Variants in THSD4 observed in about 807,000 individuals in gnomAD.
The protein encoded by THSD4 is thrombospondin type-1 domain-containing protein 4.
A neutral mutation model predicts 119.0 loss-of-function variants in THSD4; 69 were observed. The observed-to-expected ratio is 0.58, with a 90% CI of 0.48 to 0.71. The LOEUF is 0.71. THSD4 is among the 30% of genes least tolerant of loss of function. The pLI is 0.00. For synonymous variants in THSD4, 524 were observed against 540.4 expected (o/e 0.97, Z 0.42); for missense variants, 1,393 against 1,391.1 (o/e 1.00, Z -0.02).
intron 7 of THSD4, among the ~76,000 whole-genome samples, chr15:71,435,005 CAGTT>C (rs960151869): frequency 7.2e-5 from 11 of 152,180 alleles, no homozygotes; most frequent in South Asian, 2.1e-4. Context: ...CCCGCTAAGA[CAGTT>C]AGAAGAAAAA....
At chr15:71,120,553 C>T (rs868737323) in intron 1 of THSD4, among the ~76,000 whole-genome samples, 1 of 152,244 alleles carries the variant, frequency 6.6e-6, no homozygotes. Flanking sequence ...ACCCCACAAC[C>T]GGGTGGGCAG....
At chr15:71,425,998 A>C (rs992088228) in intron 7 of THSD4, among the ~76,000 whole-genome samples, 16 of 152,310 alleles carry the variant, frequency 1.1e-4, no homozygotes, top group African/African-American at 3.8e-4. Flanking sequence ...AGCTGATGGC[A>C]GAGGAACCTA....
chr15:71,191,992 T>C (rs955762658), intron 3 of THSD4, among the ~76,000 whole-genome samples: 8 of 149,982 alleles, frequency 5.3e-5, no homozygotes, highest in Admixed American at 2.7e-4. Flanking sequence ...AACCTCCGCC[T>C]CCCAGGTTGA....
intron 6 of THSD4, among the ~76,000 whole-genome samples, chr15:71,355,886 G>A (rs1025863780): frequency 6.6e-6 from 1 of 151,826 alleles, no homozygotes; most frequent in African/African-American, 2.4e-5. Flanking sequence ...TTTTATTTTT[G>A]AGATGGAGTC....
At chr15:71,180,444 A>G (rs1008604656) in intron 3 of THSD4, among the ~76,000 whole-genome samples, 6 of 152,220 alleles carry the variant, frequency 3.9e-5, no homozygotes, top group African/African-American at 1.4e-4. Flanking sequence ...GAAGGTTACC[A>G]ACGGCTACAA....
intron 7 of THSD4, among the ~76,000 whole-genome samples, chr15:71,450,406 G>T (rs761699660): frequency 3.3e-5 from 5 of 152,130 alleles, no homozygotes; most frequent in Non-Finnish European, 5.9e-5. Context: ...GGTTGGGGGA[G>T]AGTAGAACAG....
chr15:71,326,060 C>T (rs2045332870), intron 6 of THSD4, among the ~76,000 whole-genome samples: 1 of 152,162 alleles, frequency 6.6e-6, no homozygotes, highest in Non-Finnish European at 1.5e-5. Flanking sequence ...TATAACTATT[C>T]TGCAAAGCTG....
chr15:71,594,415 G>T (rs1027085593), intron 7 of THSD4, among the ~76,000 whole-genome samples: 1 of 152,032 alleles, frequency 6.6e-6, no homozygotes, highest in Admixed American at 6.6e-5. Context: ...CACCATGTTG[G>T]CTGGGCTGTT....
chr15:71,373,290 A>G (rs2046083491), intron 6 of THSD4, among the ~76,000 whole-genome samples: 1 of 152,180 alleles, frequency 6.6e-6, no homozygotes, highest in South Asian at 2.1e-4. Context: ...CTGAACTTTT[A>G]AAATGTAGTG....
chr15:71,298,767 C>G (rs1047541469), intron 6 of THSD4, among the ~76,000 whole-genome samples: 1 of 152,162 alleles, frequency 6.6e-6, no homozygotes, highest in Non-Finnish European at 1.5e-5. Flanking sequence ...CACACGCCGC[C>G]ACACCCGGCT....
At chr15:71,668,852 G>A (rs558298557) in intron 8 of THSD4, among the ~76,000 whole-genome samples, 188 of 152,310 alleles carry the variant, frequency 1.2e-3, no homozygotes, top group African/African-American at 4.3e-3. Context: ...TAAGCCTATA[G>A]CATGAAAGAT....
intron 6 of THSD4, among the ~76,000 whole-genome samples, chr15:71,354,362 G>A (rs1406177332): frequency 6.6e-6 from 1 of 152,152 alleles, no homozygotes; most frequent in Admixed American, 6.5e-5. Flanking sequence ...AAAACCAGAA[G>A]GGAAAAGTGT....
rs117316862 is a variant in THSD4, at chr15:71,384,626, A to C, written c.1016-27061A>C. Among the ~76,000 whole-genome samples the C allele has an allele frequency of 2.5e-4, 38 of 152,298 alleles. No individual in the cohort carries two copies. The East Asian group carries it at 6.4e-3, about 26-fold the overall frequency. ...AAATAGTCTTTTAAAAGAGGCAATA[A>C]AATTTTTGAAACCTTCTTAGAAGCA... On this transcript the variant is annotated intron_variant, in intron 6 of 17. Transcript: ENST00000261862.
chr15:71,722,099 G>C (rs1448112414), intron 8 of THSD4, among the ~76,000 whole-genome samples: 1 of 152,148 alleles, frequency 6.6e-6, no homozygotes, highest in Admixed American at 6.6e-5. Flanking sequence ...TGAACACAGC[G>C]TCTAGCAAAA....
At chr15:71,343,998 T>TG (rs1253529417) in intron 6 of THSD4, among the ~76,000 whole-genome samples, 1 of 148,476 alleles carries the variant, frequency 6.7e-6, no homozygotes, top group Non-Finnish European at 1.5e-5. Flanking sequence ...GGGGTGGGGG[T>TG]GGGGGTTACA....
chr15:71,215,800 A>C (rs1232569994), intron 4 of THSD4, among the ~76,000 whole-genome samples: 1 of 152,192 alleles, frequency 6.6e-6, no homozygotes, highest in Non-Finnish European at 1.5e-5. Context: ...GTCTAACCGG[A>C]AAGCTGATAT....
chr15:71,199,527 G>GGT (rs2043753811), intron 3 of THSD4, among the ~76,000 whole-genome samples: 1 of 126,596 alleles, frequency 7.9e-6, no homozygotes, highest in Non-Finnish European at 1.7e-5. Context: ...GTGTGTGTGG[G>GGT]GTGTGTGGTG....
intron 8 of THSD4, among the ~76,000 whole-genome samples, chr15:71,685,466 GT>G (rs1186432500): frequency 1.3e-5 from 2 of 152,008 alleles, no homozygotes; most frequent in African/African-American, 4.8e-5. Context: ...TACAGTAACA[GT>G]TTTTTTAAAG....
chr15:71,290,512 CTGT>C (rs1403199788), intron 6 of THSD4, among the ~76,000 whole-genome samples: 15 of 152,076 alleles, frequency 9.9e-5, no homozygotes, highest in African/African-American at 3.6e-4. Flanking sequence ...CTTTTAAAAA[CTGT>C]TGTTTACAAT....
Sources: gnomAD v4.1 joint callset for allele counts (sites outside exome capture counted in the v4.1 genomes callset) on GRCh38, gnomAD v4.1.1 for gene constraint, MANE v1.5 for transcripts, NCBI Gene and HGNC (gene_info 2026-07-23, HGNC 2026-07-21) for gene names.